MSANTD2: variants seen among roughly 807,000 people sequenced by gnomAD.
MSANTD2 encodes the protein myb/SANT-like DNA-binding domain-containing protein 2.
MSANTD2 carries 19 observed loss-of-function variants against 52.6 expected under a neutral mutation model. The ratio of observed to expected loss-of-function variants is 0.36; its 90% CI spans 0.25 to 0.53. The LOEUF is 0.53. Ranked by LOEUF, MSANTD2 falls within the 20% of genes least tolerant of loss-of-function variation. The probability of loss-of-function intolerance (pLI) is 0.91; values close to 1 mark genes in which losing one functional copy is unlikely to be tolerated. For missense variants in MSANTD2, 558 were observed against 716.3 expected (o/e 0.78, Z 2.52); for synonymous variants, 291 against 289.7 (o/e 1.00, Z -0.04).
chr11:124,790,182 T>C (rs1340207857), intron 1 of MSANTD2: 3 of 152,258 alleles, frequency 2.0e-5, no homozygotes, highest in Admixed American at 1.3e-4. Context: ...ATTTTAGTTC[T>C]TACTCTCTGG....
chr11:124,790,154 T>A (rs962042703), intron 1 of MSANTD2: 6 of 152,354 alleles, frequency 3.9e-5, no homozygotes, highest in African/African-American at 1.4e-4. Context: ...CACTTAACAT[T>A]TGAAATACTG....
chr11:124,766,962 T>C lies in MSANTD2; in HGVS notation c.*214A>G, dbSNP rs1223855767. The C allele has an allele frequency of 1.2e-5, 6 of 486,990 alleles. No individual in the cohort carries two copies. The highest frequency in any genetic ancestry group is 3.9e-5 in the African/African-American group (2 of 50,968). 30.2% of individuals were successfully genotyped at this position (486,990 alleles called of 1,614,324 possible). The stretch of plus-strand genomic sequence containing the variant: ...GCTGACCCACCATGCAAGTTCGCTA[T>C]ATATCTTGCTTGCTCAAAATGAGCA... On this transcript the variant is annotated 3_prime_UTR_variant, in exon 4 of 4. Coordinates refer to ENST00000374979, the MANE Select transcript of MSANTD2 (RefSeq NM_001308027.2).
At position 124,800,288 on chromosome 11, in the gene MSANTD2, C is replaced by T. The variant is rs76635716; in HGVS notation, c.93G>A (p.Leu31=). 117 of 1,568,110 alleles carry T rather than the reference C, an allele frequency of 7.5e-5. 1 individual carries two copies. The East Asian group carries it at 1.5e-3, about 20-fold the overall frequency. The part of the protein sequence containing the change: ...EVLSPASPGG[L]SDGNPSLSDP... ...CGGACAGCGATGGATTTCCGTCGCT[C>T]AGGCCACCAGGAGAAGCCGGGGAAA... The change falls in exon 1 of 4, where the codon CTG becomes CTA. Residue 31 remains leucine, a synonymous_variant. Transcript: ENST00000374979. This position sits in a 1 kb window ranked among gnomAD's most constrained non-coding sequence, Gnocchi z 4.3.
intron 1 of MSANTD2, chr11:124,783,739 A>G: frequency 4.1e-6 from 4 of 985,268 alleles, no homozygotes; most frequent in Non-Finnish European, 4.8e-6. Context: ...CCTTCATGCT[A>G]GCAGCTGAGG....
intron 1 of MSANTD2, among the ~76,000 whole-genome samples, chr11:124,787,421 G>A (rs1326549531): frequency 1.3e-5 from 2 of 152,148 alleles, no homozygotes; most frequent in Non-Finnish European, 1.5e-5. Flanking sequence ...GTGTTGCCCA[G>A]GCTGGATGGA....
At chr11:124,793,195 T>C in intron 1 of MSANTD2, among the ~76,000 whole-genome samples, 1 of 152,238 alleles carries the variant, frequency 6.6e-6, no homozygotes, top group Non-Finnish European at 1.5e-5. Context: ...GTGATACTGT[T>C]TCTTTTAAAT....
At chr11:124,792,213 T>C (rs1017997948) in intron 1 of MSANTD2, 2 of 153,170 alleles carry the variant, frequency 1.3e-5, no homozygotes, top group African/African-American at 4.8e-5. Flanking sequence ...CATAAAAAAG[T>C]TGTTACTCAT....
intron 1 of MSANTD2, chr11:124,791,808 G>A (rs1945339634): frequency 1.9e-6 from 1 of 539,934 alleles, no homozygotes; most frequent in Non-Finnish European, 3.4e-6. Context: ...CCCCCGCCAG[G>A]GGCAGGTATT....
intron 1 of MSANTD2, among the ~76,000 whole-genome samples, chr11:124,794,569 T>C (rs528835954): frequency 3.3e-5 from 5 of 152,350 alleles, no homozygotes; most frequent in South Asian, 4.1e-4. Flanking sequence ...AATGAGAAGA[T>C]AGAAGAAATG....
In MSANTD2 at chr11:124,767,614, C is replaced by T; in HGVS notation, c.1242G>A (p.Gly414=). 1 of 1,614,206 alleles carries T rather than the reference C, an allele frequency of 6.2e-7. No individual in the cohort carries two copies. Among genetic ancestry groups the T allele is most frequent in the Non-Finnish European group, 8.5e-7 (1 of 1,180,046 alleles). ...GGNVVQYLLP[G]GIPKSPGLYA... ...AAAGGCCTGGGCTTTTAGGAATACC[C>T]CCAGGCAATAAATATTGAACAACAT... Residue 414 remains glycine, a synonymous_variant, in exon 4 of 4, where the codon GGG becomes GGA. Transcript: ENST00000374979. The surrounding 1 kb of genome is among the most constrained non-coding windows in gnomAD (Gnocchi z 6.5).
intron 1 of MSANTD2, among the ~76,000 whole-genome samples, chr11:124,794,520 C>G (rs953688691): frequency 7.2e-5 from 11 of 152,110 alleles, no homozygotes; most frequent in Non-Finnish European, 1.5e-4. Flanking sequence ...TAAATCTAAA[C>G]CTATTTGAGT....
intron 1 of MSANTD2, among the ~76,000 whole-genome samples, chr11:124,793,828 C>G (rs1014694775): frequency 2.0e-5 from 3 of 151,866 alleles, no homozygotes; most frequent in Non-Finnish European, 4.4e-5. Flanking sequence ...AAGATTCCTC[C>G]TACACAGGGG....
rs1945651300 is a variant in MSANTD2, at chr11:124,800,188, C to T, written c.193G>A (p.Gly65Ser). The T allele has an allele frequency of 4.8e-6, 7 of 1,469,566 alleles. No individual in the cohort carries two copies. Among genetic ancestry groups the T allele is most frequent in the Non-Finnish European group, 6.3e-6 (7 of 1,113,736 alleles). 91.0% of individuals were successfully genotyped at this position (1,469,566 alleles called of 1,614,324 possible). Residue 65 changes from glycine (G) to serine (S), a missense_variant, in exon 1 of 4, where the codon GGT (glycine) becomes AGT (serine). Transcript: ENST00000374979. The surrounding 1 kb of genome is among the most constrained non-coding windows in gnomAD (Gnocchi z 4.3). ...CGGCCCCCCAGCCCCAGCCCGAGAC[C>T]CCCGGACGCCGCTGCCCCCGAGCCC... ...AAGSGAAASG[G>S]LGLGLGGRSA...
intron 1 of MSANTD2, among the ~76,000 whole-genome samples, chr11:124,794,581 C>A (rs1945434652): frequency 6.6e-6 from 1 of 152,174 alleles, no homozygotes; most frequent in South Asian, 2.1e-4. Context: ...GAAGAAATGT[C>A]TTGTCTGCAA....
intron 1 of MSANTD2, among the ~76,000 whole-genome samples, chr11:124,797,446 A>C (rs559643674): frequency 6.6e-6 from 1 of 152,340 alleles, no homozygotes; most frequent in East Asian, 1.9e-4. Context: ...GCAGTGAGCT[A>C]TGATCACGTT....
intron 1 of MSANTD2, chr11:124,784,223 C>G: frequency 1.0e-6 from 1 of 985,276 alleles, no homozygotes; most frequent in Non-Finnish European, 1.2e-6. Flanking sequence ...ATTTGACCTC[C>G]TACATCACCT....
intron 1 of MSANTD2, among the ~76,000 whole-genome samples, chr11:124,788,740 C>A (rs1945245439): frequency 6.6e-6 from 1 of 152,154 alleles, no homozygotes; most frequent in Non-Finnish European, 1.5e-5. Context: ...TAGCACTTTG[C>A]TGCTTGGTAG....
chr11:124,784,239 GT>G, intron 1 of MSANTD2: 5 of 985,272 alleles, frequency 5.1e-6, no homozygotes, highest in Non-Finnish European at 6.0e-6. Flanking sequence ...CACCTCTGAA[GT>G]TGCTAAGTCA....
chr11:124,799,653 A>T (rs1372133176), intron 1 of MSANTD2, among the ~76,000 whole-genome samples: 1 of 152,192 alleles, frequency 6.6e-6, no homozygotes, highest in Non-Finnish European at 1.5e-5. Context: ...GGGCGGCGGC[A>T]GGCACGCCCA....
Sources: gnomAD v4.1 joint callset for allele counts (sites outside exome capture counted in the v4.1 genomes callset) on GRCh38, gnomAD v4.1.1 for gene constraint, Gnocchi (gnomAD v3.1) non-coding constraint, MANE v1.5 for transcripts, NCBI Gene and HGNC (gene_info 2026-07-23, HGNC 2026-07-21) for gene names.